Variants in SOX5 observed in about 807,000 individuals in gnomAD.
The protein encoded by SOX5 is SRY-box transcription factor 5, also known as transcription factor SOX-5.
Under a neutral mutation model 92.0 loss-of-function variants are expected in SOX5, and 9 were observed. That is an observed-to-expected ratio of 0.10 (90% CI 0.06 to 0.17). The LOEUF (loss-of-function observed/expected upper bound fraction) is 0.17. SOX5 is among the 10% of genes least tolerant of loss of function. The probability of loss-of-function intolerance (pLI) is 1.00; values close to 1 mark genes in which losing one functional copy is unlikely to be tolerated. For missense variants in SOX5, 642 were observed against 944.5 expected (o/e 0.68, Z 4.20); for synonymous variants, 344 against 336.3 (o/e 1.02, Z -0.25).
chr12:24,540,718 C>T (rs1952044390), intron 1 of SOX5, among the ~76,000 whole-genome samples: 1 of 152,106 alleles, frequency 6.6e-6, no homozygotes, highest in African/African-American at 2.4e-5. Flanking sequence ...TGAACAATGG[C>T]ATCATTGGAA....
intron 1 of SOX5, among the ~76,000 whole-genome samples, chr12:24,429,420 T>C (rs1314802896): frequency 6.6e-6 from 1 of 152,150 alleles, no homozygotes; most frequent in Admixed American, 6.5e-5. Context: ...TTATTCATTT[T>C]TATTAGAATG....
intron 1 of SOX5, among the ~76,000 whole-genome samples, chr12:24,505,722 C>T (rs1948649081): frequency 6.6e-6 from 1 of 152,210 alleles, no homozygotes; most frequent in Non-Finnish European, 1.5e-5. Context: ...AACCCATACG[C>T]ACTATGAGTC....
At chr12:24,207,093 A>C (rs1958099209) in intron 4 of SOX5, among the ~76,000 whole-genome samples, 1 of 152,246 alleles carries the variant, frequency 6.6e-6, no homozygotes, top group Non-Finnish European at 1.5e-5. Context: ...GATCTCTGTA[A>C]CATCAGTGTG....
chr12:24,292,206 G>A (rs1252216733), intron 2 of SOX5, among the ~76,000 whole-genome samples: 1 of 152,188 alleles, frequency 6.6e-6, no homozygotes, highest in African/African-American at 2.4e-5. Flanking sequence ...ATCAATGGCA[G>A]CCCAGGGTCA....
chr12:24,350,578 A>C (rs1334356253), intron 2 of SOX5, among the ~76,000 whole-genome samples: 1 of 152,136 alleles, frequency 6.6e-6, no homozygotes, highest in Non-Finnish European at 1.5e-5. Flanking sequence ...TCCTGGGCTC[A>C]AGCGAGCCTC....
intron 4 of SOX5, among the ~76,000 whole-genome samples, chr12:24,060,176 G>A (rs1498876): frequency 0.19 from 28,650 of 152,148 alleles, 3,137 homozygotes; most frequent in Middle Eastern, 0.32. Flanking sequence ...TTGTGTGCCA[G>A]AAACTATACA....
At position 23,834,079 on chromosome 12, in the gene SOX5, G is replaced by C. The variant is rs544003073; in HGVS notation, c.481+11904C>G. On this transcript the variant is annotated intron_variant, in intron 3 of 14. Transcript: ENST00000451604. ...TGGTAAGAACTATAGAGATGAGTTA[G>C]CATTAGCAGTGTAGACTGACTCGAA... is the stretch of plus-strand genomic sequence containing the variant. 3.4e-4 allele frequency among the ~76,000 whole-genome samples: 51 copies of C among 152,044 alleles called. 1 individual carries two copies. The South Asian group carries it at 0.011, about 32-fold the overall frequency.
chr12:24,413,834 G>A (rs1247349958), intron 1 of SOX5, among the ~76,000 whole-genome samples: 1 of 152,086 alleles, frequency 6.6e-6, no homozygotes, highest in African/African-American at 2.4e-5. Context: ...ATCTATCCAG[G>A]CTACCAGAGT....
rs370008034 is a variant in SOX5 at position 24,112,808 on chromosome 12, G to A, written c.-2+100535C>T. ...ACCCACCTTGGCCTCCCAAAGTGCTGGGGTTCTAGGCATGAGCCACCATGA... is the reference window on the plus strand; with the variant it reads ...ACCCACCTTGGCCTCCCAAAGTGCTAGGGTTCTAGGCATGAGCCACCATGA... On this transcript the variant is annotated intron_variant, in intron 4 of 4. Transcript: ENST00000446891. 4.4e-4 allele frequency among the ~76,000 whole-genome samples: 67 copies of A among 151,876 alleles called. 1 individual carries two copies. In the South Asian group the frequency reaches 0.013, roughly 30 times the overall value.
intron 6 of SOX5, among the ~76,000 whole-genome samples, chr12:23,686,596 C>T (rs962952481): frequency 5.9e-5 from 9 of 152,128 alleles, no homozygotes; most frequent in Non-Finnish European, 1.2e-4. Flanking sequence ...ATATCAATTG[C>T]TTTCACAGAA....
intron 4 of SOX5, chr12:24,212,330 A>G: frequency 2.0e-6 from 1 of 508,094 alleles, no homozygotes; most frequent in Non-Finnish European, 3.9e-6. Flanking sequence ...TAGTTCCTTT[A>G]GGAGTAAGTC....
intron 4 of SOX5, among the ~76,000 whole-genome samples, chr12:24,210,321 A>T (rs2139661184): frequency 6.6e-6 from 1 of 152,294 alleles, no homozygotes; most frequent in East Asian, 1.9e-4. Flanking sequence ...AGGCAAACAG[A>T]GGTCAAAGAT....
chr12:23,853,721 A>C (rs2136224207), intron 2 of SOX5, among the ~76,000 whole-genome samples: 1 of 152,224 alleles, frequency 6.6e-6, no homozygotes, highest in Non-Finnish European at 1.5e-5. Flanking sequence ...CTAATACATT[A>C]ACTAATAGAA....
At chr12:24,030,606 CA>C (rs1444236334) in intron 4 of SOX5, among the ~76,000 whole-genome samples, 1 of 151,864 alleles carries the variant, frequency 6.6e-6, no homozygotes, top group African/African-American at 2.4e-5. Flanking sequence ...AGAAAACACA[CA>C]GGAAAAGCTC....
At chr12:23,774,004 G>T (rs889261912) in intron 3 of SOX5, among the ~76,000 whole-genome samples, 3 of 152,022 alleles carry the variant, frequency 2.0e-5, no homozygotes, top group African/African-American at 7.2e-5. Context: ...TATTTAGCCA[G>T]GGTCTGTCTT....
chr12:24,084,472 C>T (rs1943728531), intron 4 of SOX5, among the ~76,000 whole-genome samples: 1 of 151,990 alleles, frequency 6.6e-6, no homozygotes, highest in Admixed American at 6.6e-5. Context: ...TTATTTTGCT[C>T]CTTCATTATC....
chr12:23,536,585 T>C lies in SOX5; in HGVS notation c.1856A>G (p.Lys619Arg), dbSNP rs1341736288. ...GGGCTTGTACTTATAGTCAGGGTAC[T>C]TCTCCAGGTGCTGCTTGCTGAGACG... ...QARLSKQHLEKYPDYKYKPRP... is the reference protein window; with the variant it reads ...QARLSKQHLERYPDYKYKPRP... Residue 619 changes from lysine to arginine, a missense_variant, in exon 14 of 15, where the codon AAG (lysine) becomes AGG (arginine). Physicochemically the swap from Lys to Arg is conservative, Grantham distance 26 (BLOSUM62 2). Transcript: ENST00000451604. The C allele has an allele frequency of 6.2e-7, 1 of 1,614,174 alleles. No homozygotes were observed. Among genetic ancestry groups the C allele is most frequent in the Non-Finnish European group, 8.5e-7 (1 of 1,180,000 alleles).
At chr12:23,829,270 C>T (rs2096278024) in intron 3 of SOX5, among the ~76,000 whole-genome samples, 1 of 152,098 alleles carries the variant, frequency 6.6e-6, no homozygotes, top group South Asian at 2.1e-4. Context: ...TGACAAGTGC[C>T]TCAAGGGTAA....
rs1959179759 is a variant in SOX5, at chr12:24,393,452, G to T, written c.-250-24813C>A. On this transcript the variant is annotated intron_variant, in intron 1 of 4. Transcript: ENST00000446891. This position sits in a 1 kb window ranked among gnomAD's most constrained non-coding sequence, Gnocchi z 5.0. ...AAAAGGGTTTTGCAAGGGCTTGGAG[G>T]ATAATCAGCTTTAGGGTCATCTGTA... Among the ~76,000 whole-genome samples the T allele has an allele frequency of 6.6e-6, 1 of 152,118 alleles. No homozygotes were observed. The highest frequency in any genetic ancestry group is 1.5e-5 in the Non-Finnish European group (1 of 68,022).
Sources: allele counts gnomAD v4.1 joint callset (sites outside exome capture counted in the v4.1 genomes callset), GRCh38; gene constraint gnomAD v4.1.1; non-coding constraint Gnocchi (gnomAD v3.1); transcripts MANE v1.5; gene names NCBI Gene and HGNC (gene_info 2026-07-23, HGNC 2026-07-21).